Variants in NKD1 observed in about 807,000 individuals in gnomAD.
NKD1 encodes the protein NKD inhibitor of Wnt signaling pathway 1.
Under a neutral mutation model 56.0 loss-of-function variants are expected in NKD1, and 21 were observed. That is an observed-to-expected ratio of 0.38 (90% CI 0.27 to 0.54). The LOEUF is 0.54. NKD1 is among the 20% of genes least tolerant of loss of function. The pLI, the probability that NKD1 is intolerant of heterozygous loss-of-function variation, is 0.82. For missense variants in NKD1, 578 were observed against 642.7 expected (o/e 0.90, Z 1.09); for synonymous variants, 263 against 265.7 (o/e 0.99, Z 0.10).
chr16:50,548,752 AGGGGCGCGC>A lies in NKD1; in HGVS notation c.58+11_58+19del, dbSNP rs1960298021. ...CAAGCGCAGGGAGAGCCCGGAAGGTAGGGGCGCGCGGGGCGCAGACCTCGGGGATGGACG... is the reference window on the plus strand; with the variant it reads ...CAAGCGCAGGGAGAGCCCGGAAGGTAGGGGCGCAGACCTCGGGGATGGACG... On this transcript the variant is annotated splice_donor_5th_base_variant and intron_variant, in intron 2 of 9. Transcript: ENST00000268459. 1 of 1,420,184 alleles carries A rather than the reference AGGGGCGCGC, an allele frequency of 7.0e-7. No homozygotes were observed. The highest frequency in any genetic ancestry group is 9.1e-7 in the Non-Finnish European group (1 of 1,098,394). The allele number at this position is 1,420,184 out of a possible 1,614,324, so 88.0% of individuals were successfully genotyped here. A position where few individuals can be genotyped will look rare whatever the true frequency, so the allele number is the denominator to read the frequency against.
At chr16:50,560,796 C>G (rs1960607423) in intron 3 of NKD1, among the ~76,000 whole-genome samples, 2 of 149,030 alleles carry the variant, frequency 1.3e-5, no homozygotes, top group South Asian at 4.3e-4. Context: ...TGTATACACA[C>G]ACTTTACACA....
At chr16:50,607,306 G>A (rs546597087) in intron 3 of NKD1, 1 of 219,782 alleles carries the variant, frequency 4.5e-6, no homozygotes, top group African/African-American at 2.3e-5. Flanking sequence ...TGTTCATCAA[G>A]AAGAGGACTG....
intron 3 of NKD1, among the ~76,000 whole-genome samples, chr16:50,569,688 G>A (rs1960839796): frequency 6.6e-6 from 1 of 152,202 alleles, no homozygotes; most frequent in Non-Finnish European, 1.5e-5. Flanking sequence ...GTGCAGTAGG[G>A]TTGGTAATTA....
rs371959062 is a variant in NKD1 at position 50,595,814 on chromosome 16, C to G, written c.193-12480C>G. On this transcript the variant is annotated intron_variant, in intron 3 of 9. Coordinates refer to ENST00000268459, the MANE Select transcript of NKD1 (RefSeq NM_033119.5). ...ACTCTCCCAGACCTCACTGGCTTCCCAGGTGACCACCCTGTGGTGACACGG... is the reference window on the plus strand; with the variant it reads ...ACTCTCCCAGACCTCACTGGCTTCCGAGGTGACCACCCTGTGGTGACACGG... Among the ~76,000 whole-genome samples, 3 of 152,332 alleles carry G rather than the reference C, an allele frequency of 2.0e-5. No individual in the cohort carries two copies. In the East Asian group the frequency reaches 5.8e-4, roughly 29 times the overall value.
intron 8 of NKD1, 73 bp downstream of exon 8, chr16:50,630,983 G>A: frequency 1.6e-6 from 2 of 1,280,804 alleles, no homozygotes; most frequent in South Asian, 1.4e-5. Context: ...ATTCAGAGCA[G>A]GAAGTTTTGC....
intron 3 of NKD1, chr16:50,574,653 C>T (rs1303677419): frequency 3.8e-5 from 37 of 985,292 alleles, no homozygotes; most frequent in Non-Finnish European, 4.3e-5. Context: ...TGCCAGGAGC[C>T]AGGGGGTCCC....
chr16:50,579,965 A>G (rs1596717883), intron 3 of NKD1, among the ~76,000 whole-genome samples: 1 of 151,670 alleles, frequency 6.6e-6, no homozygotes, highest in African/African-American at 2.4e-5. Context: ...TCTTGGTCCC[A>G]TGGGTACCTG....
chr16:50,600,307 C>T (rs1961566492), intron 3 of NKD1, among the ~76,000 whole-genome samples: 1 of 151,478 alleles, frequency 6.6e-6, no homozygotes, highest in African/African-American at 2.4e-5. Flanking sequence ...TGTGTCTCTA[C>T]AAAAAGTTTT....
intron 4 of NKD1, among the ~76,000 whole-genome samples, chr16:50,609,475 C>T (rs750724219): frequency 1.3e-5 from 2 of 152,104 alleles, no homozygotes; most frequent in Non-Finnish European, 2.9e-5. Flanking sequence ...AGCTGGGGGG[C>T]CATGGTGCAA....
At chr16:50,581,751 A>C (rs550264437) in intron 3 of NKD1, among the ~76,000 whole-genome samples, 8 of 152,254 alleles carry the variant, frequency 5.3e-5, no homozygotes, top group African/African-American at 1.9e-4. Flanking sequence ...CAGGATGATG[A>C]GGTGCTGTCT....
At chr16:50,555,131 G>A (rs750927818) in intron 3 of NKD1, among the ~76,000 whole-genome samples, 5 of 152,142 alleles carry the variant, frequency 3.3e-5, no homozygotes, top group Non-Finnish European at 7.3e-5. Context: ...GAGGAGAGAG[G>A]AGGAAGGAGT....
chr16:50,633,778 A>G lies in NKD1; in HGVS notation c.1410A>G (p.Thr470=). Reference sequence around the variant, plus strand: ...ACCATTACCACCACTTCTACCAGACATAGAGCCCCTCCCCAGGGCCCCACC... The same window carrying G: ...ACCATTACCACCACTTCTACCAGACGTAGAGCCCCTCCCCAGGGCCCCACC... ...HHHHYHHFYQ[T] is the part of the protein sequence containing the mutation. Residue 470 remains threonine (T), a synonymous_variant, in exon 10 of 10, where the codon ACA becomes ACG. Transcript: ENST00000268459. The surrounding 1 kb of genome is among the most constrained non-coding windows in gnomAD (Gnocchi z 4.9). The G allele has an allele frequency of 6.8e-7, 1 of 1,467,742 alleles. No homozygotes were observed. Among genetic ancestry groups the G allele is most frequent in the Non-Finnish European group, 9.1e-7 (1 of 1,096,686 alleles). The allele number at this position is 1,467,742 out of a possible 1,614,324, so 90.9% of individuals were successfully genotyped here. A position where few individuals can be genotyped will look rare whatever the true frequency, so the allele number is the denominator to read the frequency against.
chr16:50,624,953 A>G (rs1028571498), intron 5 of NKD1, among the ~76,000 whole-genome samples: 32 of 152,272 alleles, frequency 2.1e-4, no homozygotes, highest in African/African-American at 7.5e-4. Flanking sequence ...CTCGTGGGAG[A>G]GAGGCTGTCA....
chr16:50,620,532 GC>G lies in NKD1; in HGVS notation c.260-1068del, dbSNP rs528039487. 1.6e-4 allele frequency among the ~76,000 whole-genome samples: 25 copies of G among 152,306 alleles called. No individual in the cohort carries two copies. In the South Asian group the frequency reaches 4.8e-3, roughly 29 times the overall value. ...GCCAGGGTCCCTTCCCGGAGTAGGA[GC>G]CAGGCTGTTTCTTCACCTTTAAAAC... On this transcript the variant is annotated intron_variant, in intron 4 of 9. Transcript: ENST00000268459.
chr16:50,621,219 T>G (rs113612511), intron 4 of NKD1, among the ~76,000 whole-genome samples: 339 of 152,340 alleles, frequency 2.2e-3, no homozygotes, highest in Non-Finnish European at 4.0e-3. Context: ...CAGAAGGCAG[T>G]GAGACTGCAG....
Position 50,549,568 on chromosome 16 carries a change from A to C in NKD1, c.192+13A>C, listed in dbSNP as rs778257934. 79 of 1,553,358 alleles carry C rather than the reference A, an allele frequency of 5.1e-5. No individual in the cohort carries two copies. The highest frequency in any genetic ancestry group is 6.5e-5 in the Non-Finnish European group (75 of 1,147,186). On this transcript the variant is annotated intron_variant, in intron 3 of 9. Transcript: ENST00000268459. ...CCGAAGCACCCGGGTATGATTCCCCACCCCTGCCCCACCTCCTGGCCTCCT... is the reference window on the plus strand; with the variant it reads ...CCGAAGCACCCGGGTATGATTCCCCCCCCCTGCCCCACCTCCTGGCCTCCT...
At chr16:50,619,645 A>G (rs1962041704) in intron 4 of NKD1, among the ~76,000 whole-genome samples, 1 of 152,102 alleles carries the variant, frequency 6.6e-6, no homozygotes. Context: ...GACTGTTACT[A>G]CTTATGGCCA....
chr16:50,576,514 G>A (rs1183501728), intron 3 of NKD1, among the ~76,000 whole-genome samples: 4 of 152,176 alleles, frequency 2.6e-5, no homozygotes, highest in African/African-American at 9.7e-5. Flanking sequence ...ATCCTTGGTG[G>A]AGAGAGCTGG....
At chr16:50,568,246 C>T (rs1264414228) in intron 3 of NKD1, among the ~76,000 whole-genome samples, 2 of 152,182 alleles carry the variant, frequency 1.3e-5, no homozygotes, top group East Asian at 1.9e-4. Flanking sequence ...TGCAAGCACA[C>T]GGAAGCCTAA....
Sources: gnomAD v4.1 joint callset for allele counts (sites outside exome capture counted in the v4.1 genomes callset) on GRCh38, gnomAD v4.1.1 for gene constraint, Gnocchi (gnomAD v3.1) non-coding constraint, MANE v1.5 for transcripts, NCBI Gene and HGNC (gene_info 2026-07-23, HGNC 2026-07-21) for gene names.